The following AGBL4 variants were observed in gnomAD, a reference collection of about 807,000 sequenced individuals.
AGBL4 encodes AGBL carboxypeptidase 4, also known as cytosolic carboxypeptidase 6.
AGBL4 carries 58 observed loss-of-function variants against 66.4 expected under a neutral mutation model. The ratio of observed to expected loss-of-function variants is 0.87; its 90% CI spans 0.71 to 1.09. AGBL4 has a LOEUF of 1.09. Ranked by LOEUF, AGBL4 falls within the 50% of genes least tolerant of loss-of-function variation. The pLI, the probability that AGBL4 is intolerant of heterozygous loss-of-function variation, is 0.00. For missense variants in AGBL4, 579 were observed against 631.0 expected, an observed-to-expected ratio of 0.92 and a Z score of 0.88; for synonymous variants, 234 against 222.9, an observed-to-expected ratio of 1.05 and a Z score of -0.44.
At chr1:48,760,252 G>A (rs1395315916) in intron 6 of AGBL4, among the ~76,000 whole-genome samples, 8 of 152,236 alleles carry the variant, frequency 5.3e-5, no homozygotes, top group Admixed American at 4.6e-4. Flanking sequence ...CTGAGGGGCA[G>A]TGAGAGTTAC....
chr1:49,564,821 G>T (rs1644150869), intron 3 of AGBL4, among the ~76,000 whole-genome samples: 1 of 152,158 alleles, frequency 6.6e-6, no homozygotes, highest in African/African-American at 2.4e-5. Context: ...TGTCTATTAG[G>T]TCCGCTTGGT....
chr1:49,517,747 C>T (rs1283960064), intron 3 of AGBL4, among the ~76,000 whole-genome samples: 2 of 151,934 alleles, frequency 1.3e-5, no homozygotes, highest in African/African-American at 4.8e-5. Context: ...TATAGAGACT[C>T]AAATTTATTA....
intron 2 of AGBL4, among the ~76,000 whole-genome samples, chr1:49,768,855 CT>C (rs775413604): frequency 0.013 from 1,951 of 145,506 alleles, 13 homozygotes; most frequent in East Asian, 0.031. Flanking sequence ...AAAATCAGGA[CT>C]TTTTTTTTTT....
intron 2 of AGBL4, among the ~76,000 whole-genome samples, chr1:49,815,428 C>T (rs1384348587): frequency 6.6e-6 from 1 of 152,156 alleles, no homozygotes; most frequent in African/African-American, 2.4e-5. Context: ...TTGCTGGACA[C>T]TTACATTGCT....
intron 2 of AGBL4, among the ~76,000 whole-genome samples, chr1:49,787,781 G>A (rs1338392665): frequency 2.0e-5 from 3 of 152,108 alleles, no homozygotes; most frequent in Non-Finnish European, 2.9e-5. Context: ...AAGTCACACA[G>A]GACACACCTA....
intron 2 of AGBL4, among the ~76,000 whole-genome samples, chr1:49,716,832 G>A (rs999917551): frequency 2.6e-5 from 4 of 152,034 alleles, no homozygotes; most frequent in Non-Finnish European, 4.4e-5. Flanking sequence ...TACTGAATGG[G>A]CAAAAACTGG....
chr1:48,591,952 C>T (rs1644924812), intron 9 of AGBL4, among the ~76,000 whole-genome samples: 1 of 152,212 alleles, frequency 6.6e-6, no homozygotes, highest in Non-Finnish European at 1.5e-5. Context: ...ATTGAAGAAA[C>T]AATCCCAGAG....
intron 4 of AGBL4, among the ~76,000 whole-genome samples, chr1:49,223,672 G>A (rs953643407): frequency 5.3e-5 from 8 of 152,106 alleles, no homozygotes; most frequent in Non-Finnish European, 7.4e-5. Context: ...CCTGTATGAC[G>A]GCTCAGGTTG....
intron 3 of AGBL4, among the ~76,000 whole-genome samples, chr1:49,665,398 G>C (rs539917316): frequency 3.3e-5 from 5 of 152,156 alleles, no homozygotes; most frequent in African/African-American, 1.2e-4. Context: ...ATTAGGCTAG[G>C]CAAGTTATTT....
At chr1:49,275,232 T>C (rs1298643280) in intron 3 of AGBL4, among the ~76,000 whole-genome samples, 1 of 152,204 alleles carries the variant, frequency 6.6e-6, no homozygotes, top group Non-Finnish European at 1.5e-5. Context: ...AGTGGCCTGA[T>C]GTCTTATCTA....
intron 4 of AGBL4, among the ~76,000 whole-genome samples, chr1:49,132,478 A>G (rs1159575575): frequency 6.6e-6 from 1 of 152,122 alleles, no homozygotes; most frequent in Non-Finnish European, 1.5e-5. Context: ...GACAAGGAGA[A>G]TTATATTGAT....
At chr1:48,645,215 C>T (rs1433322900) in intron 8 of AGBL4, among the ~76,000 whole-genome samples, 4 of 152,160 alleles carry the variant, frequency 2.6e-5, no homozygotes, top group Admixed American at 2.6e-4. Flanking sequence ...AAACATCACT[C>T]AGGTTACATA....
chr1:49,820,767 T>C (rs972481264), intron 2 of AGBL4, among the ~76,000 whole-genome samples: 2 of 152,182 alleles, frequency 1.3e-5, no homozygotes, highest in African/African-American at 4.8e-5. Context: ...ATATAAATGC[T>C]GAATAACCAA....
chr1:49,586,531 C>T (rs878992451), intron 3 of AGBL4, among the ~76,000 whole-genome samples: 3 of 152,052 alleles, frequency 2.0e-5, no homozygotes, highest in Admixed American at 1.3e-4. Context: ...AGATGTAGAA[C>T]TAAGGTTCAG....
intron 2 of AGBL4, among the ~76,000 whole-genome samples, chr1:49,750,659 A>C (rs1571482178): frequency 6.6e-6 from 1 of 152,320 alleles, no homozygotes; most frequent in Non-Finnish European, 1.5e-5. Flanking sequence ...AATGGCATTG[A>C]ATCTATAAAT....
intron 1 of AGBL4, among the ~76,000 whole-genome samples, chr1:49,936,425 C>A (rs914934884): frequency 2.0e-5 from 3 of 152,104 alleles, no homozygotes; most frequent in Admixed American, 6.5e-5. Context: ...AGGACATTAC[C>A]CAGGAGAACT....
chr1:49,325,247 G>A (rs528421651), intron 3 of AGBL4, among the ~76,000 whole-genome samples: 31 of 152,194 alleles, frequency 2.0e-4, no homozygotes, highest in African/African-American at 6.5e-4. Context: ...GGATGATCTC[G>A]ATCTCCTGAC....
chr1:49,374,626 C>T lies in AGBL4; in HGVS notation c.283-128762G>A, dbSNP rs116651411. Among the ~76,000 whole-genome samples the T allele has an allele frequency of 2.3e-3, 347 of 152,182 alleles. 3 individuals are homozygous for T. Among genetic ancestry groups the T allele is most frequent in the Non-Finnish European group, 3.9e-3 (267 of 68,010 alleles). ...ATGTAGTGCTCTCAAAGAATTTAGTCGAGTAGGAATCATCCTTGACCCTTC... is the reference window on the plus strand; with the variant it reads ...ATGTAGTGCTCTCAAAGAATTTAGTTGAGTAGGAATCATCCTTGACCCTTC... On this transcript the variant is annotated intron_variant, in intron 3 of 13. Transcript: ENST00000371839.
intron 1 of AGBL4, among the ~76,000 whole-genome samples, chr1:50,022,079 A>G (rs1440704576): frequency 1.3e-5 from 2 of 152,038 alleles, no homozygotes; most frequent in Non-Finnish European, 2.9e-5. Flanking sequence ...TCCAATCCCT[A>G]TCATATGTCA....
Sources: gnomAD v4.1 joint callset for allele counts (sites outside exome capture counted in the v4.1 genomes callset) on GRCh38, gnomAD v4.1.1 for gene constraint, MANE v1.5 for transcripts, NCBI Gene and HGNC (gene_info 2026-07-23, HGNC 2026-07-21) for gene names.